Variants in E2F6 observed in about 807,000 individuals in gnomAD.
E2F6 encodes the protein E2F transcription factor 6.
Under a neutral mutation model 31.5 loss-of-function variants are expected in E2F6, and 19 were observed. The ratio of observed to expected loss-of-function variants is 0.60; its 90% CI spans 0.42 to 0.89. E2F6 has a LOEUF of 0.89. E2F6 is among the 40% of genes least tolerant of loss of function. The probability of loss-of-function intolerance (pLI) is 0.00; values close to 1 mark genes in which losing one functional copy is unlikely to be tolerated. For synonymous variants in E2F6, 121 were observed against 127.7 expected, an observed-to-expected ratio of 0.95 and a Z score of 0.36; for missense variants, 269 against 341.6, an observed-to-expected ratio of 0.79 and a Z score of 1.67.
Position 11,463,290 on chromosome 2 carries a change from G to A in E2F6, c.108+2482C>T, listed in dbSNP as rs1259907504. 2.0e-5 allele frequency among the ~76,000 whole-genome samples: 3 copies of A among 152,234 alleles called. No homozygotes were observed. In the East Asian group the frequency reaches 5.8e-4, roughly 29 times the overall value. On this transcript the variant is annotated intron_variant, in intron 1 of 6. Coordinates refer to ENST00000381525, the MANE Select transcript of E2F6 (RefSeq NM_198256.4). ...ACTCTTGTTCATCAGCCCACTTAGT[G>A]TGAAGACAAGGATGAAGACCTTTAC...
At chr2:11,465,254 G>A (rs909760909) in intron 1 of E2F6, among the ~76,000 whole-genome samples, 4 of 151,548 alleles carry the variant, frequency 2.6e-5, no homozygotes, top group East Asian at 1.9e-4. Flanking sequence ...TGATAACCGC[G>A]GGGAATACAG....
chr2:11,458,042 T>C (rs1318568109), intron 1 of E2F6, among the ~76,000 whole-genome samples: 1 of 152,230 alleles, frequency 6.6e-6, no homozygotes, highest in African/African-American at 2.4e-5. Context: ...TAGTAACATT[T>C]AGAAACTGTT....
At chr2:11,463,780 C>T (rs1671933531) in intron 1 of E2F6, among the ~76,000 whole-genome samples, 1 of 151,990 alleles carries the variant, frequency 6.6e-6, no homozygotes, top group Non-Finnish European at 1.5e-5. Context: ...AGGAAGACTC[C>T]CATCTCTAAA....
chr2:11,464,672 T>C (rs192128268), intron 1 of E2F6, among the ~76,000 whole-genome samples: 10 of 152,152 alleles, frequency 6.6e-5, no homozygotes, highest in African/African-American at 2.4e-4. Context: ...AGTTAGACAT[T>C]TGGAGCTTCA....
intron 5 of E2F6, 77 bp downstream of exon 5, chr2:11,449,935 T>C (rs1484480991): frequency 1.8e-6 from 2 of 1,136,776 alleles, no homozygotes; most frequent in Non-Finnish European, 2.6e-6. Context: ...CTCTTAAGTA[T>C]GACTGCAATA....
chr2:11,460,739 T>C (rs1188315331), intron 1 of E2F6, among the ~76,000 whole-genome samples: 19 of 152,224 alleles, frequency 1.2e-4, no homozygotes, highest in Admixed American at 9.8e-4. Context: ...GTATAGCCTA[T>C]TGCTGCTAGG....
intron 5 of E2F6, among the ~76,000 whole-genome samples, chr2:11,448,400 T>C (rs1174353693): frequency 6.6e-6 from 1 of 152,228 alleles, no homozygotes; most frequent in Admixed American, 6.5e-5. Flanking sequence ...ATTGCTTTAA[T>C]TGGGAGCTGC....
intron 3 of E2F6, among the ~76,000 whole-genome samples, chr2:11,453,008 A>G (rs1671167729): frequency 6.6e-6 from 1 of 151,972 alleles, no homozygotes; most frequent in Non-Finnish European, 1.5e-5. Context: ...TGCTGTAACT[A>G]TTTCTCCCTG....
intron 1 of E2F6, among the ~76,000 whole-genome samples, chr2:11,464,996 C>A (rs1394342180): frequency 6.6e-6 from 1 of 151,526 alleles, no homozygotes; most frequent in Non-Finnish European, 1.5e-5. Context: ...CTGGCCAACA[C>A]GGCGAAATCC....
chr2:11,454,027 G>C (rs1005143592), intron 2 of E2F6, among the ~76,000 whole-genome samples: 6 of 152,142 alleles, frequency 3.9e-5, no homozygotes, highest in Non-Finnish European at 8.8e-5. Context: ...AGGAGGATTT[G>C]AAATATGCAA....
chr2:11,447,505 C>T (rs149451390), intron 6 of E2F6, 122 bp downstream of exon 6: 12,764 of 1,013,784 alleles, frequency 0.013, 110 homozygotes, highest in Middle Eastern at 0.024. Context: ...AAGAGTTATG[C>T]TGTAATTTTT....
At chr2:11,448,367 A>G (rs937530919) in intron 5 of E2F6, among the ~76,000 whole-genome samples, 2 of 148,498 alleles carry the variant, frequency 1.3e-5, no homozygotes, top group African/African-American at 5.3e-5. Flanking sequence ...TAAATTCTTA[A>G]GGAACAGCCC....
intron 1 of E2F6, among the ~76,000 whole-genome samples, chr2:11,465,135 G>A (rs538049295): frequency 1.7e-4 from 22 of 131,434 alleles, no homozygotes; most frequent in African/African-American, 6.4e-4. Context: ...CTGAGATTGC[G>A]CCATTGCACT....
chr2:11,456,995 A>G (rs997032004), intron 2 of E2F6, 184 bp downstream of exon 2: 1 of 571,754 alleles, frequency 1.7e-6, no homozygotes, highest in Admixed American at 3.3e-5. Context: ...ATAAACTGGC[A>G]TTTGTGCACA....
In E2F6 at chr2:11,450,086, C is replaced by G; in HGVS notation, c.577G>C (p.Ala193Pro). Residue 193 changes from alanine (A) to proline (P), a missense_variant, in exon 5 of 7, where the codon GCC (alanine) becomes CCC (proline). By Grantham distance (27) the Ala-to-Pro change is conservative. Coordinates refer to ENST00000381525, the MANE Select transcript of E2F6 (RefSeq NM_198256.4). The stretch of plus-strand genomic sequence containing the variant: ...GCAATGACGATCTGTTCATGGAAGG[C>G]CTGAATGCTATGAATGTCTTGATAG... ...VTYQDIHSIQ[A>P]FHEQIVIAVK... 2 of 1,613,506 alleles carry G rather than the reference C, an allele frequency of 1.2e-6. No individual in the cohort carries two copies. Among genetic ancestry groups the G allele is most frequent in the Non-Finnish European group, 1.7e-6 (2 of 1,179,640 alleles).
intron 1 of E2F6, among the ~76,000 whole-genome samples, chr2:11,459,090 T>G (rs932949253): frequency 6.6e-6 from 1 of 152,076 alleles, no homozygotes; most frequent in Non-Finnish European, 1.5e-5. Context: ...AGCAAGATTC[T>G]TGAATGGAAA....
chr2:11,465,995 G>A lies in E2F6; in HGVS notation c.-116C>T. On this transcript the variant is annotated 5_prime_UTR_variant, in exon 1 of 7. Transcript: ENST00000381525. Reference sequence around the variant, plus strand: ...TTTCCAAGGGCCCAGCACCTAAGGGGTCCGCGGCTTCCTCCGAGGCGCCGC... The same window carrying A: ...TTTCCAAGGGCCCAGCACCTAAGGGATCCGCGGCTTCCTCCGAGGCGCCGC... 1 of 947,046 alleles carries A rather than the reference G, an allele frequency of 1.1e-6. No individual in the cohort carries two copies. Among genetic ancestry groups the A allele is most frequent in the Non-Finnish European group, 1.5e-6 (1 of 679,912 alleles). The allele number at this position is 947,046 out of a possible 1,614,324, so 58.7% of individuals were successfully genotyped here. A position where few individuals can be genotyped will look rare whatever the true frequency, so the allele number is the denominator to read the frequency against.
Position 11,453,733 on chromosome 2 carries a change from C to T in E2F6, c.229G>A (p.Asp77Asn). ...SLVYLTRKFM[D>N]LVRSAPGGIL... ...CCCCCGGGAGCAGATCTGACAAGAT[C>T]CATAAATTTTCGAGTTAAATAAACC... is the stretch of plus-strand genomic sequence containing the variant. Residue 77 changes from aspartate (D) to asparagine (N), a missense_variant, in exon 3 of 7, where the codon GAT becomes AAT. Physicochemically the swap from Asp to Asn is conservative, Grantham distance 23 (BLOSUM62 1). Transcript: ENST00000381525. 6.2e-7 allele frequency: 1 copy of T among 1,614,150 alleles called. No individual in the cohort carries two copies. Among genetic ancestry groups the T allele is most frequent in the Non-Finnish European group, 8.5e-7 (1 of 1,180,026 alleles).
intron 2 of E2F6, among the ~76,000 whole-genome samples, chr2:11,454,875 T>C (rs1671308073): frequency 6.6e-6 from 1 of 152,176 alleles, no homozygotes; most frequent in Non-Finnish European, 1.5e-5. Context: ...CTCCATATTG[T>C]GAACATCCTG....
Sources: gnomAD v4.1 joint callset for allele counts (sites outside exome capture counted in the v4.1 genomes callset) on GRCh38, gnomAD v4.1.1 for gene constraint, MANE v1.5 for transcripts, NCBI Gene and HGNC (gene_info 2026-07-23, HGNC 2026-07-21) for gene names.